The following CEP128 variants were observed in gnomAD, a reference collection of about 807,000 sequenced individuals.
CEP128 encodes centrosomal protein 128, also known as centrosomal protein 128kDa.
A neutral mutation model predicts 156.7 loss-of-function variants in CEP128; 132 were observed. The ratio of observed to expected loss-of-function variants is 0.84; its 90% CI spans 0.73 to 0.97. The LOEUF is 0.97. CEP128 is among the 50% of genes least tolerant of loss of function. The pLI is 0.00. For missense variants in CEP128, 1,252 were observed against 1,281.9 expected (o/e 0.98, Z 0.36); for synonymous variants, 469 against 448.9 (o/e 1.04, Z -0.57).
intron 19 of CEP128, among the ~76,000 whole-genome samples, chr14:80,677,045 T>A (rs1427080341): frequency 6.6e-6 from 1 of 152,134 alleles, no homozygotes; most frequent in African/African-American, 2.4e-5. Context: ...AAGCATTACA[T>A]CTAATGGAAG....
intron 9 of CEP128, among the ~76,000 whole-genome samples, chr14:80,856,248 C>A (rs2140135488): frequency 1.3e-5 from 2 of 152,224 alleles, no homozygotes; most frequent in Middle Eastern, 6.8e-3. Flanking sequence ...CCACAGACTT[C>A]CCCATGAAAC....
Position 80,894,545 on chromosome 14 carries a change from T to C in CEP128, c.645+1173A>G, listed in dbSNP as rs902957701. ...GTACATCCGAAAAAATCTAGAACTT[T>C]ATGCAAAAAAAAAATATATCTTGAT... On this transcript the variant is annotated intron_variant, in intron 8 of 24. Coordinates refer to ENST00000555265, the MANE Select transcript of CEP128 (RefSeq NM_152446.5). 5 of 397,964 alleles carry C rather than the reference T, an allele frequency of 1.3e-5. No homozygotes were observed. In the East Asian group the frequency reaches 3.5e-4, roughly 28 times the overall value. The allele number at this position is 397,964 out of a possible 1,614,324, so 24.7% of individuals were successfully genotyped here.
At position 80,681,570 on chromosome 14, in the gene CEP128, GT is replaced by G. The variant is rs368383598; in HGVS notation, c.2806+61504del. 2.7e-3 allele frequency among the ~76,000 whole-genome samples: 404 copies of G among 152,298 alleles called. 2 individuals are homozygous for G. The highest frequency in any genetic ancestry group is 9.2e-3 in the African/African-American group (381 of 41,566). Reference sequence around the variant, plus strand: ...GGGAGGTAATTGAATCACGGGGGTGGTTTCCCCCATGTTGTTCTCATGATAG... The same window carrying G: ...GGGAGGTAATTGAATCACGGGGGTGGTTCCCCCATGTTGTTCTCATGATAG... On this transcript the variant is annotated intron_variant, in intron 19 of 24. Transcript: ENST00000555265.
At chr14:80,910,188 C>A (rs900402280) in intron 4 of CEP128, among the ~76,000 whole-genome samples, 3 of 152,154 alleles carry the variant, frequency 2.0e-5, no homozygotes, top group African/African-American at 7.2e-5. Context: ...TAGGTCTATT[C>A]TTTTACCTCT....
chr14:80,912,336 G>C (rs967982278), intron 4 of CEP128, among the ~76,000 whole-genome samples: 1 of 151,684 alleles, frequency 6.6e-6, no homozygotes, highest in African/African-American at 2.4e-5. Context: ...ACAATATTTA[G>C]TGCTATGGAA....
chr14:80,911,171 G>A (rs1884189852), intron 4 of CEP128, among the ~76,000 whole-genome samples: 2 of 152,134 alleles, frequency 1.3e-5, no homozygotes, highest in African/African-American at 2.4e-5. Context: ...GGGCAACAAT[G>A]GGTAATGCAA....
At position 80,914,378 on chromosome 14, in the gene CEP128, G is replaced by A; in HGVS notation, c.178C>T (p.Gln60Ter). 2 of 1,613,692 alleles carry A rather than the reference G, an allele frequency of 1.2e-6. No individual in the cohort carries two copies. The highest frequency in any genetic ancestry group is 1.7e-6 in the Non-Finnish European group (2 of 1,179,768). The change falls in exon 4 of 25, where the codon CAG becomes TAG. Residue 60 changes from glutamine (Q) to a stop codon, truncating the protein, a stop_gained. Transcript: ENST00000555265. LOFTEE classifies it high-confidence loss of function. ...DTSRNLRQVD[Q>*]MLGRYREYSN... ...TATTCTCGGTATCGTCCAAGCATCT[G>A]GTCCACTTGTCGCAGGTTCCGACTG...
At chr14:80,489,144 A>C (rs376294851), downstream of CEP128, among the ~76,000 whole-genome samples, 2 of 152,112 alleles carry the variant, frequency 1.3e-5, no homozygotes, top group Non-Finnish European at 2.9e-5. Flanking sequence ...TAATAAAAAA[A>C]AAGAGAGAGA....
intron 19 of CEP128, among the ~76,000 whole-genome samples, chr14:80,645,820 G>A (rs1397277128): frequency 2.0e-5 from 3 of 152,024 alleles, no homozygotes; most frequent in Admixed American, 2.0e-4. Flanking sequence ...AAGCAACCAA[G>A]GTGTCTTTCA....
At chr14:80,840,859 A>C in intron 9 of CEP128, 91 bp from the exon 10 acceptor site, 2 of 770,500 alleles carry the variant, frequency 2.6e-6, no homozygotes, top group Non-Finnish European at 4.5e-6. Context: ...GGGCTGAAGA[A>C]GACATGGATA....
At chr14:80,761,908 A>G (rs1275893841) in intron 16 of CEP128, among the ~76,000 whole-genome samples, 2 of 152,124 alleles carry the variant, frequency 1.3e-5, no homozygotes, top group African/African-American at 4.8e-5. Flanking sequence ...TTCCCATTTT[A>G]ATAATATATT....
chr14:80,800,846 C>T (rs549879681), intron 13 of CEP128, among the ~76,000 whole-genome samples: 1 of 152,264 alleles, frequency 6.6e-6, no homozygotes, highest in South Asian at 2.1e-4. Flanking sequence ...ACAGACATTG[C>T]TATTAACTAT....
intron 19 of CEP128, among the ~76,000 whole-genome samples, chr14:80,632,454 T>C (rs1894000834): frequency 6.7e-6 from 1 of 148,788 alleles, no homozygotes; most frequent in Admixed American, 6.8e-5. Context: ...TATTATTGTA[T>C]ATTATACATA....
intron 2 of CEP128, among the ~76,000 whole-genome samples, chr14:80,951,693 A>G (rs1886469453): frequency 6.6e-6 from 1 of 152,132 alleles, no homozygotes; most frequent in South Asian, 2.1e-4. Context: ...AATGATCTAT[A>G]CAAACCAAAC....
At chr14:80,681,006 CGT>C (rs1595206821) in intron 19 of CEP128, among the ~76,000 whole-genome samples, 3 of 152,090 alleles carry the variant, frequency 2.0e-5, no homozygotes, top group South Asian at 2.1e-4. Context: ...ATATACTATA[CGT>C]ATATACCATG....
At chr14:80,654,270 G>A (rs150298619) in intron 19 of CEP128, among the ~76,000 whole-genome samples, 160 of 152,088 alleles carry the variant, frequency 1.1e-3, no homozygotes, top group African/African-American at 3.5e-3. Context: ...ATGTGGCCAC[G>A]AAGAATACAG....
At chr14:80,754,685 A>G (rs1326108638) in intron 18 of CEP128, among the ~76,000 whole-genome samples, 1 of 151,978 alleles carries the variant, frequency 6.6e-6, no homozygotes, top group Non-Finnish European at 1.5e-5. Flanking sequence ...GATGGTCTCA[A>G]TCTCCTGACC....
downstream of CEP128, among the ~76,000 whole-genome samples, chr14:80,489,481 G>T (rs1257709859): frequency 2.1e-5 from 3 of 145,588 alleles, no homozygotes; most frequent in African/African-American, 7.5e-5. Context: ...CTGATGAGGA[G>T]ATTAAGCAGC....
chr14:80,807,969 G>A (rs373798432), intron 13 of CEP128, among the ~76,000 whole-genome samples: 3 of 152,142 alleles, frequency 2.0e-5, no homozygotes, highest in African/African-American at 4.8e-5. Context: ...GTATGTCCCA[G>A]GGAAAGAAGG....
Sources: allele counts gnomAD v4.1 joint callset (sites outside exome capture counted in the v4.1 genomes callset), GRCh38; gene constraint gnomAD v4.1.1; transcripts MANE v1.5; gene names NCBI Gene and HGNC (gene_info 2026-07-23, HGNC 2026-07-21).